Variants in NTM observed in about 807,000 individuals in gnomAD.
The protein encoded by NTM is IgLON family member 2.
Under a neutral mutation model 42.1 loss-of-function variants are expected in NTM, and 13 were observed. That is an observed-to-expected ratio of 0.31 (90% CI 0.20 to 0.49). The LOEUF (loss-of-function observed/expected upper bound fraction) is 0.49, where lower values mean the gene tolerates loss of function less well. NTM is among the 20% of genes least tolerant of loss of function. The pLI is 0.99. For missense variants in NTM, 373 were observed against 452.8 expected, an observed-to-expected ratio of 0.82 and a Z score of 1.60; for synonymous variants, 187 against 179.2, an observed-to-expected ratio of 1.04 and a Z score of -0.35.
chr11:131,597,936 A>G (rs185047087), intron 1 of NTM, among the ~76,000 whole-genome samples: 119 of 152,320 alleles, frequency 7.8e-4, no homozygotes, highest in African/African-American at 2.8e-3. Context: ...AAAATCCCAA[A>G]GAGAGACCAG....
intron 1 of NTM, among the ~76,000 whole-genome samples, chr11:131,399,619 C>G (rs1429714614): frequency 6.6e-6 from 1 of 152,150 alleles, no homozygotes; most frequent in Non-Finnish European, 1.5e-5. Context: ...TACTCTTACC[C>G]TCAGCACACA....
intron 1 of NTM, among the ~76,000 whole-genome samples, chr11:131,858,035 C>A (rs61291427): frequency 6.6e-6 from 1 of 151,898 alleles, no homozygotes; most frequent in East Asian, 1.9e-4. Flanking sequence ...TTCCAGCCTC[C>A]GCCCCGCCCA....
At chr11:132,095,333 G>A (rs919123430) in intron 2 of NTM, among the ~76,000 whole-genome samples, 70 of 152,104 alleles carry the variant, frequency 4.6e-4, no homozygotes, top group African/African-American at 1.6e-3. Context: ...CTTGAGCACC[G>A]AGAGAGTTGC....
chr11:131,444,972 A>T (rs1372016494), intron 1 of NTM, among the ~76,000 whole-genome samples: 1 of 152,220 alleles, frequency 6.6e-6, no homozygotes, highest in Non-Finnish European at 1.5e-5. Context: ...TTCCATAAGT[A>T]AATATCTTAA....
intron 2 of NTM, among the ~76,000 whole-genome samples, chr11:131,945,978 T>A (rs2060300255): frequency 6.6e-6 from 1 of 152,192 alleles, no homozygotes; most frequent in Non-Finnish European, 1.5e-5. Context: ...GCTGATGGAT[T>A]GAATGTATCT....
intron 1 of NTM, among the ~76,000 whole-genome samples, chr11:131,748,146 A>G (rs11222768): frequency 0.39 from 59,194 of 152,134 alleles, 11,539 homozygotes; most frequent in Middle Eastern, 0.43. Flanking sequence ...TCATATAGTC[A>G]CTCAACCAAG....
At chr11:131,679,794 G>C (rs2072099595) in intron 1 of NTM, among the ~76,000 whole-genome samples, 1 of 152,104 alleles carries the variant, frequency 6.6e-6, no homozygotes, top group South Asian at 2.1e-4. Context: ...GAGCTCCAGA[G>C]AGCTGGGTTC....
intron 2 of NTM, among the ~76,000 whole-genome samples, chr11:131,920,795 A>G (rs2138216415): frequency 6.6e-6 from 1 of 152,302 alleles, no homozygotes; most frequent in Non-Finnish European, 1.5e-5. Flanking sequence ...CAACCAACAG[A>G]CTGATGGAAA....
At chr11:132,219,871 A>T (rs1025964472) in intron 4 of NTM, among the ~76,000 whole-genome samples, 2 of 151,928 alleles carry the variant, frequency 1.3e-5, no homozygotes, top group African/African-American at 4.8e-5. Context: ...AACTCAAGTT[A>T]TTTTTTTTCT....
At chr11:132,237,480 G>A (rs910650738) in intron 4 of NTM, among the ~76,000 whole-genome samples, 1 of 152,152 alleles carries the variant, frequency 6.6e-6, no homozygotes, top group Non-Finnish European at 1.5e-5. Flanking sequence ...CAGCCTTTGG[G>A]CCACTGACCC....
chr11:131,718,375 T>C (rs1311823807), intron 1 of NTM, among the ~76,000 whole-genome samples: 1 of 152,216 alleles, frequency 6.6e-6, no homozygotes, highest in Non-Finnish European at 1.5e-5. Flanking sequence ...TTTCTACAAA[T>C]TCAATGTGTT....
At chr11:131,520,296 A>G (rs2049459173) in intron 1 of NTM, among the ~76,000 whole-genome samples, 1 of 152,178 alleles carries the variant, frequency 6.6e-6, no homozygotes, top group Non-Finnish European at 1.5e-5. Context: ...CAGATATTAA[A>G]ACTTTTGAGA....
intron 2 of NTM, among the ~76,000 whole-genome samples, chr11:132,026,018 G>A (rs2075125326): frequency 2.0e-5 from 3 of 152,162 alleles, no homozygotes; most frequent in South Asian, 2.1e-4. Context: ...TCTGTGTCGT[G>A]TGTCTGTAAA....
At chr11:131,451,222 G>A (rs1481190534) in intron 1 of NTM, among the ~76,000 whole-genome samples, 5 of 152,102 alleles carry the variant, frequency 3.3e-5, no homozygotes, top group African/African-American at 1.2e-4. Flanking sequence ...TATCCAAGTG[G>A]GACCGTGAGC....
chr11:132,081,740 A>T (rs555395709), intron 2 of NTM, among the ~76,000 whole-genome samples: 1 of 150,698 alleles, frequency 6.6e-6, no homozygotes, highest in Non-Finnish European at 1.5e-5. Context: ...AAAAAAAAAG[A>T]TAGAAGCCAG....
chr11:131,620,623 C>T (rs2062428446), intron 1 of NTM, among the ~76,000 whole-genome samples: 1 of 152,328 alleles, frequency 6.6e-6, no homozygotes, highest in Admixed American at 6.5e-5. Context: ...ACCTGCTGTT[C>T]CCTCTGCCTG....
chr11:132,154,050 C>T (rs4072337), intron 3 of NTM, among the ~76,000 whole-genome samples: 36,878 of 151,980 alleles, frequency 0.24, 5,708 homozygotes, highest in Non-Finnish European at 0.35. Context: ...GAAGGCTGAA[C>T]GTGTATGTTG....
At chr11:132,258,365 C>T (rs917753065) in intron 4 of NTM, among the ~76,000 whole-genome samples, 3 of 152,054 alleles carry the variant, frequency 2.0e-5, no homozygotes, top group African/African-American at 2.4e-5. Context: ...ATATATTGGA[C>T]GATGGCTTAA....
rs117776952 is a variant in NTM at position 132,230,945 on chromosome 11, G to A, written c.526+18798G>A. ...AAGGATCACTTGAGGCCAGGGGGTC[G>A]AGGCTGCAGTGAGCTATGAACACAC... On this transcript the variant is annotated intron_variant, in intron 4 of 8. Coordinates refer to ENST00000683400, the MANE Select transcript of NTM (RefSeq NM_001352005.2). Among the ~76,000 whole-genome samples the A allele has an allele frequency of 1.8e-3, 267 of 152,310 alleles. 1 individual carries two copies. In the East Asian group the frequency reaches 0.025, roughly 14 times the overall value.
Sources: allele counts gnomAD v4.1 joint callset (sites outside exome capture counted in the v4.1 genomes callset), GRCh38; gene constraint gnomAD v4.1.1; transcripts MANE v1.5; gene names NCBI Gene and HGNC (gene_info 2026-07-23, HGNC 2026-07-21).